Variants in MPPED2 observed in about 807,000 individuals in gnomAD.
MPPED2 encodes the protein metallophosphoesterase MPPED2.
In MPPED2, 5 loss-of-function variants were observed where a neutral mutation model predicts 33.0. The observed-to-expected ratio is 0.15, with a 90% CI of 0.08 to 0.32. The LOEUF is 0.32. Ranked by LOEUF, MPPED2 falls within the 10% of genes least tolerant of loss-of-function variation. MPPED2 has a pLI of 1.00. For synonymous variants in MPPED2, 136 were observed against 141.9 expected, an observed-to-expected ratio of 0.96 and a Z score of 0.29; for missense variants, 275 against 372.1, an observed-to-expected ratio of 0.74 and a Z score of 2.15.
At chr11:30,384,827 G>A (rs1178452656) in exon 7 of MPPED2, 1 of 152,112 alleles carries the variant, frequency 6.6e-6, no homozygotes, top group African/African-American at 2.4e-5. Context: ...AGACTTGAAA[G>A]AATAAATCTC....
intron 3 of MPPED2, among the ~76,000 whole-genome samples, chr11:30,504,476 G>C (rs1327055765): frequency 6.6e-6 from 1 of 152,094 alleles, no homozygotes; most frequent in African/African-American, 2.4e-5. Context: ...GGTGGGGAGG[G>C]GGTTCTATAA....
intron 4 of MPPED2, among the ~76,000 whole-genome samples, chr11:30,466,675 CA>C (rs139559491): frequency 6.6e-6 from 1 of 152,324 alleles, no homozygotes; most frequent in Non-Finnish European, 1.5e-5. Context: ...GCAAATGAAC[CA>C]AAGGTTAGAC....
At chr11:30,415,868 T>C (rs1203212361) in intron 5 of MPPED2, among the ~76,000 whole-genome samples, 1 of 152,218 alleles carries the variant, frequency 6.6e-6, no homozygotes, top group African/African-American at 2.4e-5. Flanking sequence ...TCGAGTCATG[T>C]AAATGTTTCT....
chr11:30,408,997 C>T (rs982944989), downstream of MPPED2, among the ~76,000 whole-genome samples: 1 of 152,212 alleles, frequency 6.6e-6, no homozygotes, highest in Admixed American at 6.5e-5. Flanking sequence ...CTGAAGAAAG[C>T]TTTATCCACA....
intron 2 of MPPED2, among the ~76,000 whole-genome samples, chr11:30,570,336 C>T (rs548927470): frequency 9.1e-4 from 138 of 152,128 alleles, no homozygotes; most frequent in African/African-American, 3.2e-3. Flanking sequence ...CTCTGAAAGT[C>T]CCCACCTCCT....
chr11:30,579,790 C>T (rs1957084461), intron 2 of MPPED2, among the ~76,000 whole-genome samples: 1 of 151,210 alleles, frequency 6.6e-6, no homozygotes, highest in African/African-American at 2.4e-5. Context: ...AGGCCTATTT[C>T]CCAGCTGAAT....
chr11:30,387,257 G>A (rs1947714729), exon 7 of MPPED2: 1 of 152,912 alleles, frequency 6.5e-6, no homozygotes, highest in South Asian at 2.1e-4. Flanking sequence ...ATAATTCTAT[G>A]ACTAAGTTTT....
At chr11:30,440,302 C>G (rs1248971916) in intron 4 of MPPED2, among the ~76,000 whole-genome samples, 1 of 151,684 alleles carries the variant, frequency 6.6e-6, no homozygotes, top group Admixed American at 6.6e-5. Context: ...TGCACTCCAG[C>G]CTGGGTGACA....
At position 30,507,314 on chromosome 11, in the gene MPPED2, T is replaced by G. The variant is rs190122337; in HGVS notation, c.311-11793A>C. ...TATTTCTGAAGGCATCAATACACAG[T>G]TCTATTCTCCTTTCTGAATCCCCAC... is the stretch of plus-strand genomic sequence containing the variant. On this transcript the variant is annotated intron_variant, in intron 3 of 6. Coordinates refer to ENST00000358117, the MANE Select transcript of MPPED2 (RefSeq NM_001584.3). 9.2e-5 allele frequency among the ~76,000 whole-genome samples: 14 copies of G among 152,348 alleles called. No homozygotes were observed. The East Asian group carries it at 2.3e-3, about 25-fold the overall frequency.
At chr11:30,469,734 T>C (rs189796293) in intron 4 of MPPED2, among the ~76,000 whole-genome samples, 11 of 152,302 alleles carry the variant, frequency 7.2e-5, no homozygotes, top group Non-Finnish European at 1.0e-4. Context: ...ATCATTATCA[T>C]CTTCACCATC....
chr11:30,501,091 G>T (rs2134242667), intron 3 of MPPED2, among the ~76,000 whole-genome samples: 1 of 152,278 alleles, frequency 6.6e-6, no homozygotes, highest in East Asian at 1.9e-4. Context: ...GTATGGTGAG[G>T]ATTAAACAAC....
At chr11:30,442,529 C>T (rs1359442030) in intron 4 of MPPED2, among the ~76,000 whole-genome samples, 5 of 152,158 alleles carry the variant, frequency 3.3e-5, no homozygotes, top group East Asian at 1.9e-4. Flanking sequence ...TTGTCATTCA[C>T]TTATTATTTC....
intron 2 of MPPED2, among the ~76,000 whole-genome samples, chr11:30,573,022 G>A (rs940716234): frequency 2.6e-5 from 4 of 152,136 alleles, no homozygotes; most frequent in African/African-American, 7.2e-5. Flanking sequence ...TAGTGATCAC[G>A]ACAGGACTAG....
chr11:30,502,400 A>G (rs1233170634), intron 3 of MPPED2, among the ~76,000 whole-genome samples: 2 of 152,184 alleles, frequency 1.3e-5, no homozygotes, highest in Non-Finnish European at 2.9e-5. Flanking sequence ...TTCTCTGGCT[A>G]TATCACAGAC....
chr11:30,410,751 AT>A lies in MPPED2; in HGVS notation c.*716del, dbSNP rs1174417737. Reference sequence around the variant, plus strand: ...ATATTGAAAAGGAGTCTGCATGTTCATTTTTTTAACCGTATGAAATACCTGC... The same window carrying A: ...ATATTGAAAAGGAGTCTGCATGTTCATTTTTTAACCGTATGAAATACCTGC... On this transcript the variant is annotated 3_prime_UTR_variant, in exon 7 of 7. Coordinates refer to ENST00000358117, the MANE Select transcript of MPPED2 (RefSeq NM_001584.3). 5.1e-6 allele frequency: 5 copies of A among 984,774 alleles called. No individual in the cohort carries two copies. Among genetic ancestry groups the A allele is most frequent in the East Asian group, 2.3e-4 (2 of 8,816 alleles). 61.0% of individuals were successfully genotyped at this position (984,774 alleles called of 1,614,324 possible).
chr11:30,399,518 A>G (rs1162736812), intron 6 of MPPED2, among the ~76,000 whole-genome samples: 1 of 152,194 alleles, frequency 6.6e-6, no homozygotes, highest in East Asian at 1.9e-4. Flanking sequence ...AGTAGAACGT[A>G]ATGTACTGTT....
rs1265337934 is a variant in MPPED2 at position 30,410,540 on chromosome 11, A to G, written c.*928T>C. On this transcript the variant is annotated 3_prime_UTR_variant, in exon 7 of 7. Transcript: ENST00000358117. ...CCATTGCATCCATTTAAGTCTATAC[A>G]TGCCTGTAACTGTACCTAGATTTAA... 2 of 985,634 alleles carry G rather than the reference A, an allele frequency of 2.0e-6. No homozygotes were observed. The highest frequency in any genetic ancestry group is 4.7e-5 in the South Asian group (1 of 21,286). 61.1% of individuals were successfully genotyped at this position (985,634 alleles called of 1,614,324 possible). A position where few individuals can be genotyped will look rare whatever the true frequency, so the allele number is the denominator to read the frequency against.
At chr11:30,558,041 C>T (rs72890869) in intron 2 of MPPED2, among the ~76,000 whole-genome samples, 12 of 152,222 alleles carry the variant, frequency 7.9e-5, no homozygotes, top group Non-Finnish European at 1.6e-4. Flanking sequence ...GACCTGGCTC[C>T]AAGGACAATC....
rs1952202987 is a variant in MPPED2 at position 30,495,341 on chromosome 11, T to C, written c.491A>G (p.Asp164Gly). The stretch of plus-strand genomic sequence containing the variant: ...GAATCCCTTCACTGTTACCTCCGAA[T>C]CTTGTAAGTAAATACTGTTTGTCAG... Reference protein sequence around the residue: ...SLLTNSIYLQDSEVTVKGFRI... With the variant: ...SLLTNSIYLQGSEVTVKGFRI... The change falls in exon 4 of 7, where the codon GAT becomes GGT. Residue 164 changes from aspartate to glycine, a missense_variant. Physicochemically the swap from Asp to Gly is moderately conservative, Grantham distance 94. Coordinates refer to ENST00000358117, the MANE Select transcript of MPPED2 (RefSeq NM_001584.3). 8.1e-6 allele frequency: 13 copies of C among 1,614,142 alleles called. No individual in the cohort carries two copies. Among genetic ancestry groups the C allele is most frequent in the Non-Finnish European group, 1.0e-5 (12 of 1,179,994 alleles).
Sources: allele counts gnomAD v4.1 joint callset (sites outside exome capture counted in the v4.1 genomes callset), GRCh38; gene constraint gnomAD v4.1.1; transcripts MANE v1.5; gene names NCBI Gene and HGNC (gene_info 2026-07-23, HGNC 2026-07-21).